EPB41L1: variants seen among roughly 807,000 people sequenced by gnomAD.
The protein encoded by EPB41L1 is erythrocyte membrane protein band 4.1 like 1, also known as band 4.1-like protein 1.
Under a neutral mutation model 97.8 loss-of-function variants are expected in EPB41L1, and 29 were observed. The ratio of observed to expected loss-of-function variants is 0.30; its 90% CI spans 0.22 to 0.40. The LOEUF (loss-of-function observed/expected upper bound fraction) is 0.40, where lower values mean the gene tolerates loss of function less well. Ranked by LOEUF, EPB41L1 falls within the 10% of genes least tolerant of loss-of-function variation. EPB41L1 has a pLI of 1.00. For missense variants in EPB41L1, 812 were observed against 1,162.3 expected, an observed-to-expected ratio of 0.70 and a Z score of 4.38; for synonymous variants, 383 against 459.2, an observed-to-expected ratio of 0.83 and a Z score of 2.12.
intron 2 of EPB41L1, among the ~76,000 whole-genome samples, chr20:36,119,609 GA>G (rs1339064621): frequency 7.4e-6 from 1 of 134,818 alleles, no homozygotes; most frequent in Admixed American, 8.5e-5. Context: ...AAGAAAGCAA[GA>G]AAGCAGGAAG....
intron 5 of EPB41L1, among the ~76,000 whole-genome samples, chr20:36,180,426 C>T (rs1255804843): frequency 6.6e-6 from 1 of 152,172 alleles, no homozygotes; most frequent in African/African-American, 2.4e-5. Flanking sequence ...CCTGCTTCTC[C>T]TTGGCCAGTG....
chr20:36,180,490 T>C (rs1171753114), intron 5 of EPB41L1, among the ~76,000 whole-genome samples: 1 of 152,180 alleles, frequency 6.6e-6, no homozygotes, highest in African/African-American at 2.4e-5. Context: ...GACATATGTA[T>C]GGACAGCACC....
chr20:36,132,487 A>G (rs975304406), intron 2 of EPB41L1, among the ~76,000 whole-genome samples: 1 of 142,436 alleles, frequency 7.0e-6, no homozygotes, highest in Non-Finnish European at 1.5e-5. Flanking sequence ...TTACCTAATC[A>G]CCTGTGCAAG....
At chr20:36,108,535 A>G (rs2058277439) in intron 1 of EPB41L1, among the ~76,000 whole-genome samples, 1 of 151,750 alleles carries the variant, frequency 6.6e-6, no homozygotes, top group Non-Finnish European at 1.5e-5. Context: ...TTAGCCAAGC[A>G]TGGAGGTGCG....
At chr20:36,104,898 GC>G (rs2058140305) in intron 1 of EPB41L1, among the ~76,000 whole-genome samples, 1 of 152,136 alleles carries the variant, frequency 6.6e-6, no homozygotes, top group South Asian at 2.1e-4. Context: ...ATGGACCTAG[GC>G]CTGTGTTAGG....
chr20:36,118,338 A>G (rs377762225), intron 2 of EPB41L1, among the ~76,000 whole-genome samples: 4 of 151,950 alleles, frequency 2.6e-5, no homozygotes, highest in African/African-American at 9.7e-5. Context: ...AGCCTGGACT[A>G]CAAGAACAAG....
intron 9 of EPB41L1, among the ~76,000 whole-genome samples, chr20:36,189,687 C>G (rs1444189594): frequency 6.6e-6 from 1 of 152,212 alleles, no homozygotes; most frequent in Non-Finnish European, 1.5e-5. Context: ...TGCTGCACCA[C>G]ACATCTCCCT....
At chr20:36,180,987 A>G (rs2146095719) in intron 5 of EPB41L1, among the ~76,000 whole-genome samples, 1 of 152,318 alleles carries the variant, frequency 6.6e-6, no homozygotes, top group African/African-American at 2.4e-5. Flanking sequence ...TCATCTATAA[A>G]AAAGAAAGTC....
chr20:36,188,993 A>G (rs914853082), intron 9 of EPB41L1, among the ~76,000 whole-genome samples: 2 of 152,200 alleles, frequency 1.3e-5, no homozygotes, highest in South Asian at 2.1e-4. Flanking sequence ...TGTTGTAAGT[A>G]TGGAAGTTTG....
intron 6 of EPB41L1, among the ~76,000 whole-genome samples, chr20:36,183,386 G>A (rs1231281550): frequency 6.6e-6 from 1 of 152,262 alleles, no homozygotes; most frequent in Non-Finnish European, 1.5e-5. Flanking sequence ...TCCTGGAACA[G>A]ATCAGGCCTG....
At chr20:36,172,067 T>C (rs546716959) in intron 1 of EPB41L1, among the ~76,000 whole-genome samples, 17 of 152,134 alleles carry the variant, frequency 1.1e-4, no homozygotes, top group Admixed American at 2.0e-4. Context: ...AGTACGTATG[T>C]ATATTTTATT....
intron 20 of EPB41L1, 80 bp downstream of exon 20, chr20:36,222,024 T>A: frequency 1.2e-5 from 17 of 1,432,794 alleles, no homozygotes; most frequent in Non-Finnish European, 1.7e-5. Context: ...CATGGATGGC[T>A]ATCCTCATGG....
At chr20:36,129,673 C>T (rs969744308) in intron 2 of EPB41L1, among the ~76,000 whole-genome samples, 7 of 152,202 alleles carry the variant, frequency 4.6e-5, no homozygotes, top group Non-Finnish European at 8.8e-5. Flanking sequence ...CTCTCCTTAA[C>T]TGTTCAGTGT....
intron 1 of EPB41L1, among the ~76,000 whole-genome samples, chr20:36,160,674 A>T (rs538775865): frequency 6.6e-6 from 1 of 152,318 alleles, no homozygotes; most frequent in East Asian, 1.9e-4. Flanking sequence ...GTCGTAGCTA[A>T]TAACAGCATG....
intron 20 of EPB41L1, 103 bp downstream of exon 20, chr20:36,222,047 TCCA>T: frequency 7.8e-7 from 1 of 1,274,374 alleles, no homozygotes; most frequent in Admixed American, 1.7e-5. Flanking sequence ...AGAGAAGGTG[TCCA>T]CTTCTTGCTG....
In EPB41L1 at chr20:36,113,977, G is replaced by A. The variant is rs2058505083; in HGVS notation, c.-10+1497G>A. 3.3e-5 allele frequency among the ~76,000 whole-genome samples: 5 copies of A among 152,178 alleles called. No individual in the cohort carries two copies. In the South Asian group the frequency reaches 8.3e-4, roughly 25 times the overall value. On this transcript the variant is annotated intron_variant, in intron 2 of 19. Transcript: ENST00000202028. The stretch of plus-strand genomic sequence containing the variant: ...AGACTCTAGGTATTAACCACCATCA[G>A]TTTACTGAAGGAGACAGGAAATGTG...
chr20:36,101,003 C>T (rs561755874), intron 1 of EPB41L1, among the ~76,000 whole-genome samples: 111 of 152,264 alleles, frequency 7.3e-4, no homozygotes, highest in African/African-American at 2.6e-3. Context: ...AGGTACTTGC[C>T]TTTTTTCCTA....
chr20:36,109,246 C>T (rs558618434), intron 1 of EPB41L1, among the ~76,000 whole-genome samples: 1 of 152,008 alleles, frequency 6.6e-6, no homozygotes, highest in Non-Finnish European at 1.5e-5. Context: ...TGCACCCGGC[C>T]GAGTTCAGGG....
At position 36,188,466 on chromosome 20, in the gene EPB41L1, G is replaced by T; in HGVS notation, c.993G>T (p.Arg331Ser). Residue 331 changes from arginine to serine, a missense_variant, in exon 9 of 22, where the codon AGG (arginine) becomes AGT (serine). This residue lies in a region of EPB41L1 where 230 missense variants were observed against 445.2 expected (regional missense o/e 0.52). Transcript: ENST00000338074. ...WPKILKISYK[R>S]SNFYIKIRPG... is the part of the protein sequence containing the mutation. ...AGATCCTCAAGATCTCCTACAAGAG[G>T]AGTAACTTCTATATCAAGATCCGGC... 1 of 1,613,848 alleles carries T rather than the reference G, an allele frequency of 6.2e-7. No individual in the cohort carries two copies.
Sources: allele counts gnomAD v4.1 joint callset (sites outside exome capture counted in the v4.1 genomes callset), GRCh38; gene constraint gnomAD v4.1.1; regional missense constraint gnomAD v4.1.1; transcripts MANE v1.5; gene names NCBI Gene and HGNC (gene_info 2026-07-23, HGNC 2026-07-21).